The following PIP5K1B variants were observed in gnomAD, a reference collection of about 807,000 sequenced individuals.
PIP5K1B encodes phosphatidylinositol-4-phosphate 5-kinase type 1 beta, also known as phosphatidylinositol 4-phosphate 5-kinase type-1 beta.
Under a neutral mutation model 67.0 loss-of-function variants are expected in PIP5K1B, and 42 were observed. That is an observed-to-expected ratio of 0.63 (90% CI 0.49 to 0.81). The LOEUF (loss-of-function observed/expected upper bound fraction) is 0.81, where lower values mean the gene tolerates loss of function less well. PIP5K1B is among the 30% of genes least tolerant of loss of function. PIP5K1B has a pLI of 0.00. For synonymous variants in PIP5K1B, 214 were observed against 231.4 expected (o/e 0.92, Z 0.68); for missense variants, 459 against 646.3 (o/e 0.71, Z 3.14).
intron 14 of PIP5K1B, among the ~76,000 whole-genome samples, chr9:68,971,469 C>G (rs1321793491): frequency 6.6e-6 from 1 of 152,150 alleles, no homozygotes; most frequent in Non-Finnish European, 1.5e-5. Flanking sequence ...GTGCGTGTGT[C>G]TTTATAGTAG....
intron 2 of PIP5K1B, among the ~76,000 whole-genome samples, chr9:68,754,175 C>CTTTTTTTTTTTTTTTTTTTTTTTTTTTT (rs71353081): frequency 7.9e-5 from 8 of 101,076 alleles, no homozygotes; most frequent in Non-Finnish European, 1.1e-4. Context: ...TCCATGATTT[C>CTTTTTTTTTTTTTTTTTTTTTTTTTTTT]TTTTTTTTTT....
intron 5 of PIP5K1B, among the ~76,000 whole-genome samples, chr9:68,864,605 A>T (rs1209852544): frequency 2.0e-5 from 3 of 152,210 alleles, no homozygotes; most frequent in African/African-American, 4.8e-5. Context: ...ATGCCACAAA[A>T]CTGTACACTT....
chr9:68,795,369 T>C (rs1587463807), intron 2 of PIP5K1B, among the ~76,000 whole-genome samples: 1 of 152,322 alleles, frequency 6.6e-6, no homozygotes, highest in East Asian at 1.9e-4. Flanking sequence ...AGGAATTCTC[T>C]ATAAAATTGT....
intron 15 of PIP5K1B, among the ~76,000 whole-genome samples, chr9:68,994,645 T>C (rs1045036478): frequency 6.6e-6 from 1 of 152,056 alleles, no homozygotes; most frequent in African/African-American, 2.4e-5. Context: ...ATTAGGAAAA[T>C]AGTTTGACCT....
chr9:68,976,453 G>A (rs138509948), intron 14 of PIP5K1B, among the ~76,000 whole-genome samples: 1 of 152,272 alleles, frequency 6.6e-6, no homozygotes, highest in Non-Finnish European at 1.5e-5. Context: ...CCCAAATACA[G>A]TACTCACAGC....
At chr9:68,766,124 A>G (rs961233909) in intron 2 of PIP5K1B, among the ~76,000 whole-genome samples, 2 of 152,174 alleles carry the variant, frequency 1.3e-5, no homozygotes, top group African/African-American at 4.8e-5. Context: ...ATAATATGGT[A>G]AGGAGGTGAC....
intron 6 of PIP5K1B, among the ~76,000 whole-genome samples, chr9:68,880,572 CACACACACACACACACGCAT>C (rs1386561639): frequency 3.8e-5 from 2 of 52,256 alleles, no homozygotes; most frequent in African/African-American, 1.0e-4. Context: ...CACACACACA[CACACACACACACACACGCAT>C]ACACACACAC....
intron 2 of PIP5K1B, among the ~76,000 whole-genome samples, chr9:68,816,973 A>C (rs1833479432): frequency 6.6e-6 from 1 of 152,252 alleles, no homozygotes; most frequent in South Asian, 2.1e-4. Context: ...ACAAGACACA[A>C]TAAATAAAGG....
chr9:68,807,995 C>T (rs548085038), intron 2 of PIP5K1B, among the ~76,000 whole-genome samples: 2 of 152,214 alleles, frequency 1.3e-5, no homozygotes, highest in South Asian at 2.1e-4. Context: ...GTCAGGAGTT[C>T]GAGACCAGCT....
chr9:68,729,829 A>G (rs1587353213), intron 1 of PIP5K1B, among the ~76,000 whole-genome samples: 3 of 152,266 alleles, frequency 2.0e-5, no homozygotes, highest in South Asian at 2.1e-4. Context: ...AAATTAGTAT[A>G]TACTTCCTAA....
chr9:68,970,394 T>A (rs573538136), intron 14 of PIP5K1B, among the ~76,000 whole-genome samples: 1 of 152,340 alleles, frequency 6.6e-6, no homozygotes, highest in South Asian at 2.1e-4. Context: ...TAAGCTTTGA[T>A]GATTACCACT....
At chr9:68,747,721 T>C (rs564453405) in intron 2 of PIP5K1B, among the ~76,000 whole-genome samples, 1 of 152,310 alleles carries the variant, frequency 6.6e-6, no homozygotes, top group South Asian at 2.1e-4. Flanking sequence ...TTACACCTTC[T>C]TGTCATAATC....
intron 2 of PIP5K1B, among the ~76,000 whole-genome samples, chr9:68,795,216 G>A (rs2132513492): frequency 6.6e-6 from 1 of 152,078 alleles, no homozygotes; most frequent in Middle Eastern, 3.4e-3. Context: ...GTCTCTACAG[G>A]CTGGTAGAAC....
chr9:68,845,600 T>A (rs943404917), intron 4 of PIP5K1B, among the ~76,000 whole-genome samples: 4 of 152,136 alleles, frequency 2.6e-5, no homozygotes, highest in Non-Finnish European at 1.5e-5. Context: ...GTTTGGAGCG[T>A]GGGAGCTGCA....
In PIP5K1B at chr9:68,955,493, C is replaced by T. The variant is rs568835454; in HGVS notation, c.1502+14703C>T. Among the ~76,000 whole-genome samples, 9 of 152,324 alleles carry T rather than the reference C, an allele frequency of 5.9e-5. No homozygotes were observed. In the South Asian group the frequency reaches 1.5e-3, roughly 25 times the overall value. ...GACAGATTTAAAATTCATTTCCTGG[C>T]CTCCCGTGACATAGAAACAGTTCTT... On this transcript the variant is annotated intron_variant, in intron 14 of 15. Coordinates refer to ENST00000265382, the MANE Select transcript of PIP5K1B (RefSeq NM_003558.4).
intron 2 of PIP5K1B, among the ~76,000 whole-genome samples, chr9:68,747,506 C>T (rs1829378469): frequency 2.6e-5 from 4 of 152,034 alleles, no homozygotes. Context: ...AGAGTTAACA[C>T]AGCACTTCCA....
intron 14 of PIP5K1B, among the ~76,000 whole-genome samples, chr9:68,984,414 C>G (rs981482486): frequency 6.6e-6 from 1 of 152,102 alleles, no homozygotes; most frequent in Non-Finnish European, 1.5e-5. Flanking sequence ...CTTGGTAGAT[C>G]CTGCATAATG....
At chr9:68,839,325 T>C (rs1361853884) in intron 4 of PIP5K1B, among the ~76,000 whole-genome samples, 1 of 152,222 alleles carries the variant, frequency 6.6e-6, no homozygotes, top group East Asian at 1.9e-4. Flanking sequence ...TTGTTTGTTT[T>C]ATTCTGTGAT....
chr9:68,932,870 G>A (rs541262643), intron 12 of PIP5K1B, among the ~76,000 whole-genome samples: 1 of 152,258 alleles, frequency 6.6e-6, no homozygotes, highest in Non-Finnish European at 1.5e-5. Flanking sequence ...GGAGGCCAAG[G>A]CAGGCAGATC....
Sources: gnomAD v4.1 joint callset for allele counts (sites outside exome capture counted in the v4.1 genomes callset) on GRCh38, gnomAD v4.1.1 for gene constraint, MANE v1.5 for transcripts, NCBI Gene and HGNC (gene_info 2026-07-23, HGNC 2026-07-21) for gene names.